Variants in ADAMTS16 observed in about 807,000 individuals in gnomAD.
ADAMTS16 encodes the protein ADAM metallopeptidase with thrombospondin type 1 motif 16.
ADAMTS16 carries 94 observed loss-of-function variants against 145.8 expected under a neutral mutation model. The ratio of observed to expected loss-of-function variants is 0.64; its 90% confidence interval spans 0.55 to 0.77. ADAMTS16 has a LOEUF of 0.77. ADAMTS16 is among the 30% of genes least tolerant of loss of function. The pLI, the probability that ADAMTS16 is intolerant of heterozygous loss-of-function variation, is 0.00. For missense variants in ADAMTS16, 1,585 were observed against 1,591.5 expected (o/e 1.00, Z 0.07); for synonymous variants, 659 against 604.3 (o/e 1.09, Z -1.33).
At chr5:5,168,779 A>G (rs1734969132) in intron 3 of ADAMTS16, among the ~76,000 whole-genome samples, 1 of 142,652 alleles carries the variant, frequency 7.0e-6, no homozygotes, top group Non-Finnish European at 1.5e-5. Flanking sequence ...ATATTTTATT[A>G]TAGATAGAGC....
intron 21 of ADAMTS16, among the ~76,000 whole-genome samples, chr5:5,307,153 C>T (rs902881483): frequency 1.3e-5 from 2 of 152,052 alleles, no homozygotes; most frequent in Non-Finnish European, 2.9e-5. Context: ...CACCATGGAG[C>T]GGGGGTTCCT....
At position 5,259,654 on chromosome 5, in the gene ADAMTS16, AATC is replaced by A. The variant is rs781224892; in HGVS notation, c.2663-2998_2663-2996del. Among the ~76,000 whole-genome samples, 35 of 152,326 alleles carry A rather than the reference AATC, an allele frequency of 2.3e-4. No homozygotes were observed. In the South Asian group the frequency reaches 5.2e-3, roughly 23 times the overall value. Reference sequence around the variant, plus strand: ...TGCAAGGGAAAAGGAGCAGGCAGGGAATCATCAATTGAGTATTCATCTCACTCA... The same window carrying A: ...TGCAAGGGAAAAGGAGCAGGCAGGGAATCAATTGAGTATTCATCTCACTCA... On this transcript the variant is annotated intron_variant, in intron 17 of 22. Coordinates refer to ENST00000274181, the MANE Select transcript of ADAMTS16 (RefSeq NM_139056.4).
chr5:5,190,394 T>G (rs1299891508), intron 7 of ADAMTS16, among the ~76,000 whole-genome samples: 1 of 152,176 alleles, frequency 6.6e-6, no homozygotes, highest in Non-Finnish European at 1.5e-5. Context: ...CATATATATT[T>G]TTTGTTTCTT....
intron 8 of ADAMTS16, among the ~76,000 whole-genome samples, chr5:5,198,577 G>C (rs1735871377): frequency 6.6e-6 from 1 of 152,118 alleles, no homozygotes; most frequent in African/African-American, 2.4e-5. Context: ...CCTCGGTCTT[G>C]CTGTCTTTAT....
intron 3 of ADAMTS16, among the ~76,000 whole-genome samples, chr5:5,165,582 C>A (rs1734853470): frequency 1.3e-5 from 2 of 152,130 alleles, no homozygotes; most frequent in African/African-American, 4.8e-5. Flanking sequence ...TAAAGAGCAT[C>A]GTTGTGAGAG....
intron 2 of ADAMTS16, 133 bp downstream of exon 2, chr5:5,140,899 T>A: frequency 1.3e-6 from 1 of 795,212 alleles, no homozygotes. Context: ...TTGTGAACTT[T>A]TTTTTTTTTT....
At chr5:5,303,814 G>T (rs772619622) in intron 20 of ADAMTS16, 48 bp downstream of exon 20, 17 of 1,585,732 alleles carry the variant, frequency 1.1e-5, no homozygotes, top group Non-Finnish European at 1.5e-5. Context: ...CTCTCCCCTC[G>T]GGACTGCCTC....
intron 7 of ADAMTS16, 75 bp downstream of exon 7, chr5:5,190,205 T>A: frequency 6.9e-7 from 1 of 1,454,814 alleles, no homozygotes; most frequent in Non-Finnish European, 9.1e-7. Flanking sequence ...GTTGAGTATT[T>A]TTGCCCTTGT....
intron 18 of ADAMTS16, among the ~76,000 whole-genome samples, chr5:5,272,979 G>T (rs1289727150): frequency 6.6e-6 from 1 of 152,142 alleles, no homozygotes; most frequent in Non-Finnish European, 1.5e-5. Flanking sequence ...ACTTGCAGGG[G>T]GAAGAAGTAA....
At chr5:5,260,688 C>T (rs1358314147) in intron 17 of ADAMTS16, among the ~76,000 whole-genome samples, 1 of 152,194 alleles carries the variant, frequency 6.6e-6, no homozygotes, top group Non-Finnish European at 1.5e-5. Flanking sequence ...AGGAGAGCTG[C>T]CCTCCTCTTT....
intron 3 of ADAMTS16, among the ~76,000 whole-genome samples, chr5:5,162,341 A>T (rs1734760649): frequency 6.6e-6 from 1 of 152,210 alleles, no homozygotes; most frequent in Admixed American, 6.5e-5. Flanking sequence ...CAGACCCATT[A>T]TCTAACCTGC....
intron 18 of ADAMTS16, among the ~76,000 whole-genome samples, chr5:5,286,688 C>A (rs1478776319): frequency 6.6e-5 from 10 of 151,806 alleles, no homozygotes. Flanking sequence ...GAAACCCCGT[C>A]TCTACTAAAA....
chr5:5,180,755 G>A (rs1735316019), intron 3 of ADAMTS16, among the ~76,000 whole-genome samples: 1 of 152,166 alleles, frequency 6.6e-6, no homozygotes, highest in African/African-American at 2.4e-5. Flanking sequence ...CTCTGATTTT[G>A]TTCTAATCCT....
chr5:5,227,424 A>C (rs1736799066), intron 11 of ADAMTS16, among the ~76,000 whole-genome samples: 1 of 152,092 alleles, frequency 6.6e-6, no homozygotes, highest in African/African-American at 2.4e-5. Context: ...GTGGAAATCT[A>C]TATATATATT....
chr5:5,217,947 T>A (rs1228949986), intron 10 of ADAMTS16, among the ~76,000 whole-genome samples: 2 of 152,176 alleles, frequency 1.3e-5, no homozygotes, highest in Admixed American at 1.3e-4. Context: ...TGAAATTTGA[T>A]CACCTCAGCA....
In ADAMTS16 at chr5:5,319,269, C is replaced by A. The variant is rs1337770263; in HGVS notation, c.*131C>A. On this transcript the variant is annotated 3_prime_UTR_variant, in exon 23 of 23. Coordinates refer to ENST00000274181, the MANE Select transcript of ADAMTS16 (RefSeq NM_139056.4). The stretch of plus-strand genomic sequence containing the variant: ...CAAAAGAAGAAAACCGTGTTAGGCT[C>A]TTTGACCAGGAGTGTATGTATGTGT... 13 of 706,124 alleles carry A rather than the reference C, an allele frequency of 1.8e-5. No individual in the cohort carries two copies. The Admixed American group carries it at 2.8e-4, about 15-fold the overall frequency. The allele number at this position is 706,124 out of a possible 1,614,324, so 43.7% of individuals were successfully genotyped here.
chr5:5,196,641 C>T (rs1164266253), intron 8 of ADAMTS16, among the ~76,000 whole-genome samples: 1 of 152,156 alleles, frequency 6.6e-6, no homozygotes, highest in African/African-American at 2.4e-5. Flanking sequence ...TTTGGCCAGA[C>T]CTTCCCATAC....
chr5:5,216,775 G>A (rs1289860606), intron 10 of ADAMTS16, among the ~76,000 whole-genome samples: 8 of 102,046 alleles, frequency 7.8e-5, no homozygotes, highest in Non-Finnish European at 1.3e-4. Context: ...CCCCACAACC[G>A]TCCCCAGAGT....
At chr5:5,262,837 G>A in intron 18 of ADAMTS16, 54 bp downstream of exon 18, 1 of 1,599,110 alleles carries the variant, frequency 6.3e-7, no homozygotes, top group Non-Finnish European at 8.5e-7. Context: ...GACGTGCTCA[G>A]CGAGTCTTGC....
Sources: gnomAD v4.1 joint callset for allele counts (sites outside exome capture counted in the v4.1 genomes callset) on GRCh38, gnomAD v4.1.1 for gene constraint, MANE v1.5 for transcripts, NCBI Gene and HGNC (gene_info 2026-07-23, HGNC 2026-07-21) for gene names.